KIF9: variants seen among roughly 807,000 people sequenced by gnomAD.
KIF9 encodes kinesin-like protein KIF9.
A neutral mutation model predicts 94.8 loss-of-function variants in KIF9; 68 were observed. The observed-to-expected ratio is 0.72, with a 90% CI of 0.59 to 0.88. The LOEUF is 0.88. KIF9 is among the 40% of genes least tolerant of loss of function. The probability of loss-of-function intolerance (pLI) is 0.00; values close to 1 mark genes in which losing one functional copy is unlikely to be tolerated. For missense variants in KIF9, 882 were observed against 982.5 expected, an observed-to-expected ratio of 0.90 and a Z score of 1.37; for synonymous variants, 343 against 362.1, an observed-to-expected ratio of 0.95 and a Z score of 0.60.
rs200180172 is a variant in KIF9 at position 47,241,865 on chromosome 3, C to CAT, written c.1710-852_1710-851dup. On this transcript the variant is annotated intron_variant, in intron 16 of 20. Transcript: ENST00000684063. ...TAAAATATATATATATATATATACA[C>CAT]ATATATATATATATATATATTTTTT... Among the ~76,000 whole-genome samples the CAT allele has an allele frequency of 5.2e-3, 571 of 109,370 alleles. 16 individuals carry two copies. The highest frequency in any genetic ancestry group is 0.023 in the African/African-American group (555 of 24,594). The allele number at this position is 109,370 out of a possible 152,430, so 71.8% of individuals were successfully genotyped here. A position where few individuals can be genotyped will look rare whatever the true frequency, so the allele number is the denominator to read the frequency against.
intron 4 of KIF9, among the ~76,000 whole-genome samples, chr3:47,273,262 C>T (rs1410217168): frequency 6.6e-6 from 1 of 152,146 alleles, no homozygotes; most frequent in Non-Finnish European, 1.5e-5. Context: ...GATCACAGAC[C>T]ACTGGAGCAG....
chr3:47,244,720 A>C, intron 15 of KIF9, 71 bp downstream of exon 15: 1 of 1,555,170 alleles, frequency 6.4e-7, no homozygotes, highest in Non-Finnish European at 8.8e-7. Context: ...AAGTGGGAAC[A>C]GTGCACATCC....
rs760064475 is a variant in KIF9 at position 47,271,229 on chromosome 3, T to C, written c.591+8A>G. On this transcript the variant is annotated splice_region_variant and intron_variant, in intron 5 of 20. Transcript: ENST00000684063. Reference sequence around the variant, plus strand: ...AAGGAAAGGAACCCTCAGGTTTTATTATCTCACCTCAAAAAGGAGGCTGAA... The same window carrying C: ...AAGGAAAGGAACCCTCAGGTTTTATCATCTCACCTCAAAAAGGAGGCTGAA... 1 of 1,599,360 alleles carries C rather than the reference T, an allele frequency of 6.3e-7. No individual in the cohort carries two copies. Among genetic ancestry groups the C allele is most frequent in the South Asian group, 1.1e-5 (1 of 90,540 alleles).
chr3:47,247,299 G>A (rs772061351), intron 12 of KIF9, 74 bp downstream of exon 12: 19 of 958,054 alleles, frequency 2.0e-5, no homozygotes, highest in Non-Finnish European at 2.4e-5. Flanking sequence ...GGCCAGCAGA[G>A]CATGCGTTGG....
intron 10 of KIF9, among the ~76,000 whole-genome samples, chr3:47,256,248 G>A (rs952504519): frequency 2.8e-4 from 42 of 151,892 alleles, no homozygotes; most frequent in Non-Finnish European, 5.9e-4. Flanking sequence ...GAGCCCCTCT[G>A]CCTGGCTGCC....
intron 5 of KIF9, among the ~76,000 whole-genome samples, 199 bp from the exon 6 acceptor site, chr3:47,267,462 T>A (rs1267712046): frequency 6.6e-6 from 1 of 152,206 alleles, no homozygotes; most frequent in Non-Finnish European, 1.5e-5. Context: ...CACCCGCCGC[T>A]GGGGAAGTGT....
intron 20 of KIF9, among the ~76,000 whole-genome samples, chr3:47,229,506 T>C (rs1455779566): frequency 2.0e-5 from 3 of 152,138 alleles, no homozygotes; most frequent in Admixed American, 2.0e-4. Flanking sequence ...ATTTTGACCA[T>C]GAAAAATCTG....
intron 9 of KIF9, among the ~76,000 whole-genome samples, chr3:47,263,112 G>A (rs919480982): frequency 1.3e-5 from 2 of 152,090 alleles, no homozygotes; most frequent in Admixed American, 6.5e-5. Context: ...GGTCAGGCTG[G>A]TCTTGAACTC....
intron 9 of KIF9, 125 bp from the exon 10 acceptor site, chr3:47,257,685 G>T (rs1359368264): frequency 7.9e-6 from 6 of 761,906 alleles, no homozygotes; most frequent in Non-Finnish European, 4.4e-6. Flanking sequence ...AACCCATGTT[G>T]GTTCCCTTCC....
rs568366692 is a variant in KIF9, at chr3:47,257,453, T to TG, written c.1059+29dup. 40 of 1,596,868 alleles carry TG rather than the reference T, an allele frequency of 2.5e-5. No homozygotes were observed. The Admixed American group carries it at 5.2e-4, about 21-fold the overall frequency. Reference sequence around the variant, plus strand: ...GCAAACCCATACACTTTCCCCACAGTGGGACACCTGTCCACAACCCCTGCT... The same window carrying TG: ...GCAAACCCATACACTTTCCCCACAGTGGGGACACCTGTCCACAACCCCTGCT... On this transcript the variant is annotated intron_variant, in intron 10 of 20. Coordinates refer to ENST00000684063, the MANE Select transcript of KIF9 (RefSeq NM_182902.4).
intron 5 of KIF9, among the ~76,000 whole-genome samples, chr3:47,268,118 G>A (rs891168918): frequency 3.3e-5 from 5 of 151,974 alleles, no homozygotes; most frequent in East Asian, 1.9e-4. Flanking sequence ...AGATCTGCCC[G>A]CCTCGGCCTG....
chr3:47,271,528 C>G (rs1016732344), intron 4 of KIF9, 67 bp from the exon 5 acceptor site: 1 of 1,119,718 alleles, frequency 8.9e-7, no homozygotes, highest in East Asian at 2.3e-5. Flanking sequence ...ATAAGGGGGG[C>G]TTCCTAACTC....
chr3:47,235,459 G>T, intron 20 of KIF9, 54 bp downstream of exon 20: 1 of 1,224,730 alleles, frequency 8.2e-7, no homozygotes, highest in Non-Finnish European at 1.2e-6. Context: ...ATGATCCTGG[G>T]TTTCCTAGTC....
chr3:47,243,606 C>T (rs544205889), intron 15 of KIF9: 51 of 169,594 alleles, frequency 3.0e-4, no homozygotes, highest in Non-Finnish European at 4.7e-4. Context: ...CAGGCTTCCC[C>T]GGGAAGGACT....
chr3:47,252,324 C>T (rs556005402), intron 10 of KIF9, among the ~76,000 whole-genome samples: 2 of 152,098 alleles, frequency 1.3e-5, no homozygotes, highest in Admixed American at 6.6e-5. Flanking sequence ...CTTCACCAGG[C>T]GTGGTGGCTC....
chr3:47,263,756 T>C, intron 9 of KIF9: 1 of 434,658 alleles, frequency 2.3e-6, no homozygotes, highest in South Asian at 1.6e-5. Context: ...GACCATGGCT[T>C]CTCTCTCTTT....
chr3:47,275,103 C>T, intron 3 of KIF9: 1 of 490,288 alleles, frequency 2.0e-6, no homozygotes, highest in Non-Finnish European at 3.6e-6. Flanking sequence ...TATAGAGAGC[C>T]ATAGTCTTTT....
At chr3:47,238,544 G>A (rs1699215533) in intron 17 of KIF9, 1 of 151,528 alleles carries the variant, frequency 6.6e-6, no homozygotes, top group Admixed American at 6.6e-5. Flanking sequence ...TACTTGATCT[G>A]TTCAAGTAAA....
In KIF9 at chr3:47,236,445, A is replaced by G. The variant is rs1699032377; in HGVS notation, c.2099T>C (p.Met700Thr). 1.2e-6 allele frequency: 2 copies of G among 1,612,800 alleles called. No individual in the cohort carries two copies. The highest frequency in any genetic ancestry group is 1.3e-5 in the African/African-American group (1 of 74,870). The change falls in exon 18 of 21, where the codon ATG becomes ACG. Residue 700 changes from methionine to threonine, a missense_variant and splice_region_variant. By Grantham distance (81) the Met-to-Thr change is moderately conservative (BLOSUM62 -1). Coordinates refer to ENST00000684063, the MANE Select transcript of KIF9 (RefSeq NM_182902.4). The stretch of plus-strand genomic sequence containing the variant: ...GCCAACCTTCCCAACTGTCGCACCC[A>G]TGAGCAGGCGGTGGCGACACTGATC... ...LVDQCRHRLL[M>T]EFDIWYNESF... is the part of the protein sequence containing the mutation.
Sources: allele counts gnomAD v4.1 joint callset (sites outside exome capture counted in the v4.1 genomes callset), GRCh38; gene constraint gnomAD v4.1.1; transcripts MANE v1.5; gene names NCBI Gene and HGNC (gene_info 2026-07-23, HGNC 2026-07-21).